Variants in GPR158 observed in about 807,000 individuals in gnomAD.
GPR158 encodes metabotropic glycine receptor.
GPR158 carries 30 observed loss-of-function variants against 78.2 expected under a neutral mutation model. The observed-to-expected ratio is 0.38, with a 90% confidence interval of 0.29 to 0.52. The LOEUF (loss-of-function observed/expected upper bound fraction) is 0.52. Ranked by LOEUF, GPR158 falls within the 20% of genes least tolerant of loss-of-function variation. The pLI, the probability that GPR158 is intolerant of heterozygous loss-of-function variation, is 0.83. For missense variants in GPR158, 1,463 were observed against 1,523.5 expected, an observed-to-expected ratio of 0.96 and a Z score of 0.66; for synonymous variants, 581 against 591.1, an observed-to-expected ratio of 0.98 and a Z score of 0.25.
At chr10:25,590,832 A>G (rs1187266452) in intron 8 of GPR158, among the ~76,000 whole-genome samples, 2 of 152,188 alleles carry the variant, frequency 1.3e-5, no homozygotes, top group Admixed American at 6.5e-5. Context: ...AAAAAAATTA[A>G]TTGTCCAAGT....
At chr10:25,448,265 T>A (rs1014248461) in intron 4 of GPR158, among the ~76,000 whole-genome samples, 2 of 151,884 alleles carry the variant, frequency 1.3e-5, no homozygotes, top group Admixed American at 6.6e-5. Context: ...TTTGTATTTT[T>A]TTTTTTAGTA....
At chr10:25,296,606 G>A (rs1361928486) in intron 2 of GPR158, among the ~76,000 whole-genome samples, 1 of 151,746 alleles carries the variant, frequency 6.6e-6, no homozygotes, top group African/African-American at 2.4e-5. Context: ...ACCAAAATGA[G>A]TACCCAGTAT....
At chr10:25,281,307 T>C (rs541035889) in intron 2 of GPR158, among the ~76,000 whole-genome samples, 1 of 149,320 alleles carries the variant, frequency 6.7e-6, no homozygotes, top group African/African-American at 2.5e-5. Context: ...CTCACACCTG[T>C]AATCGCAGCA....
At chr10:25,434,618 G>A (rs1190679130) in intron 4 of GPR158, among the ~76,000 whole-genome samples, 2 of 152,124 alleles carry the variant, frequency 1.3e-5, no homozygotes, top group Non-Finnish European at 2.9e-5. Flanking sequence ...ATACTTGTTT[G>A]CCCACGAGAA....
intron 3 of GPR158, among the ~76,000 whole-genome samples, chr10:25,406,606 T>C (rs1834518928): frequency 6.6e-6 from 1 of 152,206 alleles, no homozygotes; most frequent in Admixed American, 6.5e-5. Flanking sequence ...GTCTTTCTTA[T>C]TGGAAGAAAA....
rs756884440 is a variant in GPR158, at chr10:25,176,305, C to T, written c.885C>T (p.Asn295=). ...LSSAIYGLQP[N]LVPEFRGVMK... ...CTGCCATCTACGGGTTGCAGCCTAA[C>T]CTGGTCCCGGAATTCAGGTAGGGAG... The change falls in exon 1 of 11, where the codon AAC becomes AAT. Residue 295 remains asparagine, a synonymous_variant. Coordinates refer to ENST00000376351, the MANE Select transcript of GPR158 (RefSeq NM_020752.3). This position sits in a 1 kb window ranked among gnomAD's most constrained non-coding sequence, Gnocchi z 6.3. 2 of 1,584,734 alleles carry T rather than the reference C, an allele frequency of 1.3e-6. No homozygotes were observed. The highest frequency in any genetic ancestry group is 1.4e-5 in the African/African-American group (1 of 74,026).
At chr10:25,561,202 G>GTCTA (rs1422306013) in intron 6 of GPR158, among the ~76,000 whole-genome samples, 2 of 151,902 alleles carry the variant, frequency 1.3e-5, no homozygotes, top group Non-Finnish European at 2.9e-5. Flanking sequence ...TGTTTTTATA[G>GTCTA]TCTATCTGAA....
intron 1 of GPR158, among the ~76,000 whole-genome samples, chr10:25,217,896 C>T (rs1030176206): frequency 1.3e-5 from 2 of 151,908 alleles, no homozygotes; most frequent in Non-Finnish European, 2.9e-5. Flanking sequence ...TTTTTTGACC[C>T]TCACTTTCCT....
intron 2 of GPR158, among the ~76,000 whole-genome samples, chr10:25,316,454 G>A (rs1163268333): frequency 6.6e-6 from 1 of 152,140 alleles, no homozygotes; most frequent in African/African-American, 2.4e-5. Flanking sequence ...CAAGAAAAAC[G>A]ATAGTGTTTT....
At chr10:25,349,341 C>T (rs568659107) in intron 2 of GPR158, among the ~76,000 whole-genome samples, 9 of 152,062 alleles carry the variant, frequency 5.9e-5, no homozygotes, top group Non-Finnish European at 1.3e-4. Flanking sequence ...AGGCTCAACT[C>T]CTCATCTCAA....
chr10:25,502,019 T>C (rs1331010893), intron 5 of GPR158, among the ~76,000 whole-genome samples: 2 of 152,066 alleles, frequency 1.3e-5, no homozygotes, highest in Non-Finnish European at 2.9e-5. Flanking sequence ...CGCTTCTGCC[T>C]CCAAAGCAAA....
intron 5 of GPR158, among the ~76,000 whole-genome samples, chr10:25,540,120 T>A (rs1442543082): frequency 6.6e-6 from 1 of 151,792 alleles, no homozygotes; most frequent in Non-Finnish European, 1.5e-5. Flanking sequence ...ACCCCATCAA[T>A]AAGTGGGCGA....
chr10:25,461,341 A>G (rs1357758973), intron 4 of GPR158, among the ~76,000 whole-genome samples: 1 of 152,218 alleles, frequency 6.6e-6, no homozygotes, highest in African/African-American at 2.4e-5. Context: ...GAACACATGT[A>G]TGATAAGAAA....
intron 4 of GPR158, among the ~76,000 whole-genome samples, chr10:25,419,025 T>C (rs1317885752): frequency 5.9e-5 from 9 of 152,022 alleles, no homozygotes; most frequent in Admixed American, 5.2e-4. Context: ...ATTATGATGT[T>C]CTAATGACTA....
chr10:25,236,414 G>A (rs999222983), intron 2 of GPR158, among the ~76,000 whole-genome samples: 6 of 152,124 alleles, frequency 3.9e-5, no homozygotes, highest in East Asian at 3.9e-4. Flanking sequence ...AGGCTGAGGC[G>A]GGAGAATGGC....
chr10:25,438,122 C>T (rs149359057), intron 4 of GPR158, among the ~76,000 whole-genome samples: 2 of 152,218 alleles, frequency 1.3e-5, no homozygotes, highest in East Asian at 3.9e-4. Flanking sequence ...GGGGTTAAGA[C>T]AAAACTAAAA....
intron 7 of GPR158, among the ~76,000 whole-genome samples, chr10:25,585,751 A>T (rs1015174266): frequency 3.3e-5 from 5 of 152,098 alleles, no homozygotes; most frequent in Admixed American, 2.0e-4. Flanking sequence ...GGCCAAGGTG[A>T]GTGGATTGCT....
intron 6 of GPR158, among the ~76,000 whole-genome samples, chr10:25,567,383 T>C (rs1836944484): frequency 6.6e-6 from 1 of 152,068 alleles, no homozygotes; most frequent in Non-Finnish European, 1.5e-5. Flanking sequence ...ACCTGAAAAG[T>C]TTGTTAAAAT....
chr10:25,524,655 A>G (rs1157323950), intron 5 of GPR158, among the ~76,000 whole-genome samples: 1 of 152,200 alleles, frequency 6.6e-6, no homozygotes. Context: ...TCAGAGTCCT[A>G]AATGGAAGAG....
Sources: allele counts gnomAD v4.1 joint callset (sites outside exome capture counted in the v4.1 genomes callset), GRCh38; gene constraint gnomAD v4.1.1; non-coding constraint Gnocchi (gnomAD v3.1); transcripts MANE v1.5; gene names NCBI Gene and HGNC (gene_info 2026-07-23, HGNC 2026-07-21).